CERT1: variants seen among roughly 807,000 people sequenced by gnomAD.
CERT1 encodes the protein ceramide transporter 1.
Under a neutral mutation model 87.9 loss-of-function variants are expected in CERT1, and 31 were observed. The observed-to-expected ratio is 0.35, with a 90% CI of 0.27 to 0.48. The LOEUF is 0.48. Ranked by LOEUF, CERT1 falls within the 20% of genes least tolerant of loss-of-function variation. The pLI is 0.99. For missense variants in CERT1, 487 were observed against 758.0 expected, an observed-to-expected ratio of 0.64 and a Z score of 4.20; for synonymous variants, 289 against 250.9, an observed-to-expected ratio of 1.15 and a Z score of -1.44.
intron 3 of CERT1, among the ~76,000 whole-genome samples, chr5:75,427,447 A>T (rs1408905825): frequency 5.3e-5 from 8 of 152,164 alleles, no homozygotes; most frequent in African/African-American, 1.9e-4. Flanking sequence ...AAAAATACAA[A>T]AATTAGCCGG....
chr5:75,469,552 A>G (rs1443107855), intron 2 of CERT1, among the ~76,000 whole-genome samples: 1 of 151,212 alleles, frequency 6.6e-6, no homozygotes, highest in Non-Finnish European at 1.5e-5. Flanking sequence ...TAAAATAACT[A>G]TTTTTTTTTG....
intron 11 of CERT1, among the ~76,000 whole-genome samples, chr5:75,397,670 C>G (rs1762309844): frequency 1.3e-5 from 2 of 152,302 alleles, no homozygotes; most frequent in South Asian, 4.1e-4. Context: ...AAACCAAAGT[C>G]TCCCAGTATT....
Position 75,379,218 on chromosome 5 carries a change from C to G in CERT1, c.*128G>C. ...ACGACAACAACAAAAACCAACGAAA[C>G]AATACTCTATAGGGGAACATCAAAA... On this transcript the variant is annotated 3_prime_UTR_variant, in exon 17 of 17. Transcript: ENST00000643780. 1.2e-6 allele frequency: 1 copy of G among 853,982 alleles called. No individual in the cohort carries two copies. Among genetic ancestry groups the G allele is most frequent in the Non-Finnish European group, 1.8e-6 (1 of 549,956 alleles). The allele number at this position is 853,982 out of a possible 1,614,324, so 52.9% of individuals were successfully genotyped here.
chr5:75,469,551 T>TG (rs1765621414), intron 2 of CERT1, among the ~76,000 whole-genome samples: 1 of 144,138 alleles, frequency 6.9e-6, no homozygotes, highest in African/African-American at 2.8e-5. Flanking sequence ...TTAAAATAAC[T>TG]ATTTTTTTTT....
intron 5 of CERT1, among the ~76,000 whole-genome samples, chr5:75,425,099 T>C (rs540928632): frequency 7.9e-5 from 12 of 152,178 alleles, no homozygotes; most frequent in Middle Eastern, 3.4e-3. Flanking sequence ...GCCTGGGCGA[T>C]AGAATGAAAC....
At position 75,379,248 on chromosome 5, in the gene CERT1, T is replaced by A; in HGVS notation, c.*98A>T. 2.7e-6 allele frequency: 3 copies of A among 1,094,018 alleles called. No individual in the cohort carries two copies. In the South Asian group the frequency reaches 4.6e-5, roughly 17 times the overall value. 67.8% of individuals were successfully genotyped at this position (1,094,018 alleles called of 1,614,324 possible). On this transcript the variant is annotated 3_prime_UTR_variant, in exon 17 of 17. Transcript: ENST00000643780. ...CTCTATAGGGGAACATCAAAAAACA[T>A]AGTAAATACTTTCAACAACTAAATT...
chr5:75,511,252 C>T lies in CERT1; in HGVS notation c.-45G>A. ...AGGAGACCGGCCCCCGCTCCCTCAG[C>T]TGCGCCGGAGGAGGCGCCCAGTCCT... On this transcript the variant is annotated 5_prime_UTR_variant, in exon 1 of 17. Transcript: ENST00000643780. 1 of 1,604,428 alleles carries T rather than the reference C, an allele frequency of 6.2e-7. No individual in the cohort carries two copies. Among genetic ancestry groups the T allele is most frequent in the Non-Finnish European group, 8.5e-7 (1 of 1,175,644 alleles).
chr5:75,431,773 T>C (rs973897167), intron 3 of CERT1, among the ~76,000 whole-genome samples: 30 of 152,226 alleles, frequency 2.0e-4, no homozygotes, highest in African/African-American at 7.2e-4. Context: ...TGTGTAGTAT[T>C]CCATGGGGTA....
intron 3 of CERT1, among the ~76,000 whole-genome samples, chr5:75,428,668 ACT>A (rs1157417914): frequency 6.7e-6 from 1 of 148,462 alleles, no homozygotes; most frequent in Non-Finnish European, 1.5e-5. Flanking sequence ...AAAGAGCGAG[ACT>A]CTGTCTCAAA....
chr5:75,426,602 T>C (rs7708710), intron 3 of CERT1, 124 bp from the exon 4 acceptor site: 7,255 of 644,398 alleles, frequency 0.011, 250 homozygotes, highest in African/African-American at 0.084. Flanking sequence ...ATAAGATATA[T>C]AGTCAATCCA....
chr5:75,427,116 C>T (rs984276445), intron 3 of CERT1, among the ~76,000 whole-genome samples: 1 of 152,134 alleles, frequency 6.6e-6, no homozygotes, highest in African/African-American at 2.4e-5. Flanking sequence ...TCTGTTAAGT[C>T]AGCATCCCAT....
chr5:75,374,550 G>A (rs759675751), downstream of CERT1: 26 of 715,070 alleles, frequency 3.6e-5, no homozygotes, highest in African/African-American at 2.8e-4. Flanking sequence ...TGCCTGATGC[G>A]TGCCCAAGGA....
chr5:75,402,059 G>C (rs1396853252), intron 9 of CERT1: 1 of 152,084 alleles, frequency 6.6e-6, no homozygotes, highest in Non-Finnish European at 1.5e-5. Context: ...AGAAGACAAA[G>C]TATCAAATTA....
chr5:75,392,821 T>A (rs900412462), intron 11 of CERT1, among the ~76,000 whole-genome samples: 1 of 150,944 alleles, frequency 6.6e-6, no homozygotes, highest in Non-Finnish European at 1.5e-5. Context: ...TACAAAAAAA[T>A]TGGCCGGGCG....
chr5:75,384,308 A>G (rs1042292016), intron 14 of CERT1, among the ~76,000 whole-genome samples: 2 of 152,186 alleles, frequency 1.3e-5, no homozygotes, highest in Admixed American at 1.3e-4. Context: ...CTGAGGCAGG[A>G]GGATCACTTG....
At position 75,399,394 on chromosome 5, in the gene CERT1, G is replaced by A. The variant is rs748468856; in HGVS notation, c.1111-7C>T. The stretch of plus-strand genomic sequence containing the variant: ...AGGAAGAGCGACTATAGGGCTACCA[G>A]AGACAGACAAAGAAAAAACCAAGTA... On this transcript the variant is annotated splice_polypyrimidine_tract_variant and splice_region_variant and intron_variant, in intron 10 of 16. Transcript: ENST00000643780. 1.2e-6 allele frequency: 2 copies of A among 1,609,716 alleles called. No homozygotes were observed. Among genetic ancestry groups the A allele is most frequent in the South Asian group, 2.2e-5 (2 of 90,956 alleles).
At chr5:75,435,667 C>T (rs1258756267) in intron 3 of CERT1, among the ~76,000 whole-genome samples, 3 of 152,014 alleles carry the variant, frequency 2.0e-5, no homozygotes, top group African/African-American at 7.2e-5. Flanking sequence ...TGATTGGTTT[C>T]GTTTCTGGAC....
chr5:75,407,472 T>TAAA (rs546897411), intron 8 of CERT1, among the ~76,000 whole-genome samples: 18 of 107,846 alleles, frequency 1.7e-4, no homozygotes, highest in African/African-American at 5.6e-4. Context: ...GGAAAAAAAT[T>TAAA]AAAAAAAAAA....
At chr5:75,452,575 A>T (rs553569403) in intron 3 of CERT1, among the ~76,000 whole-genome samples, 4 of 152,268 alleles carry the variant, frequency 2.6e-5, no homozygotes, top group African/African-American at 9.6e-5. Flanking sequence ...ATTGTAGAAG[A>T]TTCTGAAAAT....
Sources: allele counts gnomAD v4.1 joint callset (sites outside exome capture counted in the v4.1 genomes callset), GRCh38; gene constraint gnomAD v4.1.1; transcripts MANE v1.5; gene names NCBI Gene and HGNC (gene_info 2026-07-23, HGNC 2026-07-21).